TMEM123: variants seen among roughly 807,000 people sequenced by gnomAD.
TMEM123 encodes the protein transmembrane protein 123, also known as porimin.
A neutral mutation model predicts 19.7 loss-of-function variants in TMEM123; 16 were observed. The observed-to-expected ratio is 0.81, with a 90% CI of 0.55 to 1.23. TMEM123 has a LOEUF of 1.23. Among genes scored for constraint, TMEM123 ranks in the 50% most tolerant of loss-of-function variants. TMEM123 has a pLI of 0.00. For synonymous variants in TMEM123, 118 were observed against 99.4 expected, an observed-to-expected ratio of 1.19 and a Z score of -1.12; for missense variants, 313 against 257.8, an observed-to-expected ratio of 1.21 and a Z score of -1.47.
chr11:102,447,684 T>C lies in TMEM123; in HGVS notation c.157+1128A>G, dbSNP rs368739488. ...CTAAGACCCTCTCACAACTACCCAA[T>C]GATAACCACTATTACATTTTGGAGT... On this transcript the variant is annotated intron_variant, in intron 2 of 4. Transcript: ENST00000398136. Among the ~76,000 whole-genome samples, 16 of 152,226 alleles carry C rather than the reference T, an allele frequency of 1.1e-4. 1 individual carries two copies. The highest frequency in any genetic ancestry group is 3.9e-4 in the African/African-American group (16 of 41,458).
intron 2 of TMEM123, among the ~76,000 whole-genome samples, chr11:102,423,058 A>G (rs974418631): frequency 1.3e-5 from 2 of 152,224 alleles, no homozygotes; most frequent in East Asian, 1.9e-4. Flanking sequence ...TCCTAGCTCA[A>G]GCTGCTAAAG....
At chr11:102,433,850 T>A (rs999221601) in intron 2 of TMEM123, among the ~76,000 whole-genome samples, 51 of 151,966 alleles carry the variant, frequency 3.4e-4, no homozygotes, top group African/African-American at 1.1e-3. Flanking sequence ...TTTCCCCTGC[T>A]GGCACTCATT....
intron 2 of TMEM123, among the ~76,000 whole-genome samples, chr11:102,430,738 T>C (rs149574669): frequency 1.5e-3 from 222 of 152,346 alleles, no homozygotes; most frequent in African/African-American, 5.1e-3. Context: ...ATTTAACCCA[T>C]GAGATGGCTA....
At position 102,398,477 on chromosome 11, in the gene TMEM123, TACCCAAA is replaced by T. The variant is rs1951879758; in HGVS notation, c.*383_*389del. 2.5e-6 allele frequency: 1 copy of T among 407,312 alleles called. No individual in the cohort carries two copies. The highest frequency in any genetic ancestry group is 4.4e-5 in the Admixed American group (1 of 22,782). The allele number at this position is 407,312 out of a possible 1,614,324, so 25.2% of individuals were successfully genotyped here. A position where few individuals can be genotyped will look rare whatever the true frequency, so the allele number is the denominator to read the frequency against. ...AGTTCTTTATGTGAGCTACAAAAGA[TACCCAAA>T]ATCCTGAGTGCTGTGACAAACTTCT... On this transcript the variant is annotated 3_prime_UTR_variant, in exon 5 of 5. Coordinates refer to ENST00000398136, the MANE Select transcript of TMEM123 (RefSeq NM_052932.3).
At chr11:102,424,979 T>G (rs1952114424) in intron 2 of TMEM123, among the ~76,000 whole-genome samples, 1 of 152,216 alleles carries the variant, frequency 6.6e-6, no homozygotes, top group Admixed American at 6.5e-5. Flanking sequence ...CAGGAAACAC[T>G]AGAGGCAGAA....
intron 2 of TMEM123, among the ~76,000 whole-genome samples, chr11:102,418,928 T>G (rs1952062240): frequency 6.6e-6 from 1 of 152,204 alleles, no homozygotes; most frequent in Admixed American, 6.5e-5. Flanking sequence ...AAATACTGCA[T>G]GTTCTCAATT....
intron 4 of TMEM123, among the ~76,000 whole-genome samples, chr11:102,401,228 G>T (rs893963875): frequency 6.6e-6 from 1 of 152,136 alleles, no homozygotes; most frequent in Non-Finnish European, 1.5e-5. Context: ...CTGGGAACTG[G>T]TATTTCTTAC....
intron 2 of TMEM123, among the ~76,000 whole-genome samples, chr11:102,446,803 C>T (rs151251479): frequency 8.5e-4 from 129 of 152,274 alleles, no homozygotes; most frequent in Middle Eastern, 6.8e-3. Flanking sequence ...AGGCAGTCTC[C>T]GCTTTTTCCA....
At chr11:102,420,504 G>A (rs1204643101) in intron 2 of TMEM123, among the ~76,000 whole-genome samples, 1 of 152,154 alleles carries the variant, frequency 6.6e-6, no homozygotes, top group Non-Finnish European at 1.5e-5. Flanking sequence ...AACCCTAGGA[G>A]GCAGATGTTA....
At chr11:102,427,687 A>G (rs1045049200) in intron 2 of TMEM123, among the ~76,000 whole-genome samples, 2 of 151,378 alleles carry the variant, frequency 1.3e-5, no homozygotes, top group African/African-American at 4.9e-5. Flanking sequence ...AAAACACACA[A>G]ATTAGCCAGG....
intron 2 of TMEM123, among the ~76,000 whole-genome samples, chr11:102,445,900 A>T (rs660908): frequency 0.82 from 124,897 of 152,198 alleles, 51,911 homozygotes; most frequent in East Asian, 0.99. Context: ...GCCAAGGATG[A>T]ATAACCAAAC....
chr11:102,409,241 A>C (rs1414878849), intron 2 of TMEM123, among the ~76,000 whole-genome samples: 1 of 152,160 alleles, frequency 6.6e-6, no homozygotes, highest in Non-Finnish European at 1.5e-5. Flanking sequence ...CATAAACCAT[A>C]AATTTCTGGT....
intron 2 of TMEM123, among the ~76,000 whole-genome samples, chr11:102,443,692 G>A (rs184471714): frequency 4.6e-5 from 7 of 152,132 alleles, no homozygotes; most frequent in East Asian, 3.9e-4. Context: ...CAAAATAGAC[G>A]AATGGGATCT....
Position 102,452,438 on chromosome 11 carries a change from C to G in TMEM123, c.100+86G>C, listed in dbSNP as rs774140550. On this transcript the variant is annotated intron_variant, in intron 1 of 4. Coordinates refer to ENST00000398136, the MANE Select transcript of TMEM123 (RefSeq NM_052932.3). ...TTCGGCCAGACACACGCGGAACTTTCTGTACCAGAGCCCAACTTGGGAACC... is the reference window on the plus strand; with the variant it reads ...TTCGGCCAGACACACGCGGAACTTTGTGTACCAGAGCCCAACTTGGGAACC... 2.8e-5 allele frequency: 34 copies of G among 1,194,468 alleles called. No individual in the cohort carries two copies. The Admixed American group carries it at 3.2e-4, about 11-fold the overall frequency. 74.0% of individuals were successfully genotyped at this position (1,194,468 alleles called of 1,614,324 possible). A position where few individuals can be genotyped will look rare whatever the true frequency, so the allele number is the denominator to read the frequency against.
chr11:102,419,237 T>TAA (rs1364446042), intron 2 of TMEM123, among the ~76,000 whole-genome samples: 1 of 152,226 alleles, frequency 6.6e-6, no homozygotes, highest in African/African-American at 2.4e-5. Context: ...AAGGTACACG[T>TAA]TGTACTAAAA....
At chr11:102,450,371 A>T (rs1261787935) in intron 1 of TMEM123, among the ~76,000 whole-genome samples, 1 of 152,196 alleles carries the variant, frequency 6.6e-6, no homozygotes, top group Non-Finnish European at 1.5e-5. Context: ...ACTTGCCACT[A>T]AGAGTAATGA....
chr11:102,423,613 T>C (rs1041337007), intron 2 of TMEM123, among the ~76,000 whole-genome samples: 2 of 152,170 alleles, frequency 1.3e-5, no homozygotes, highest in Non-Finnish European at 2.9e-5. Context: ...TCCTGACACA[T>C]AGGAACCATG....
chr11:102,449,287 A>G (rs1460577151), intron 1 of TMEM123: 1 of 156,474 alleles, frequency 6.4e-6, no homozygotes, highest in Non-Finnish European at 1.4e-5. Context: ...CCACCCAACC[A>G]ACACCCCTAA....
intron 2 of TMEM123, among the ~76,000 whole-genome samples, chr11:102,416,031 C>T (rs1214387220): frequency 2.6e-5 from 4 of 152,114 alleles, no homozygotes; most frequent in South Asian, 2.1e-4. Context: ...TCTCCTGCCT[C>T]GGCCTCCCAA....
Sources: gnomAD v4.1 joint callset for allele counts (sites outside exome capture counted in the v4.1 genomes callset) on GRCh38, gnomAD v4.1.1 for gene constraint, MANE v1.5 for transcripts, NCBI Gene and HGNC (gene_info 2026-07-23, HGNC 2026-07-21) for gene names.